The following XXYLT1 variants were observed in gnomAD, a reference collection of about 807,000 sequenced individuals.
XXYLT1 encodes UDP-xylose:alpha-xyloside alpha-1,3-xylosyltransferase.
A neutral mutation model predicts 28.9 loss-of-function variants in XXYLT1; 20 were observed. The ratio of observed to expected loss-of-function variants is 0.69; its 90% CI spans 0.49 to 1.00. The LOEUF is 1.00. XXYLT1 is among the 50% of genes least tolerant of loss of function. The pLI is 0.00. For synonymous variants in XXYLT1, 257 were observed against 253.8 expected (o/e 1.01, Z -0.12); for missense variants, 542 against 560.1 (o/e 0.97, Z 0.33).
In XXYLT1 at chr3:195,104,198, C is replaced by CGTGTGTGT. The variant is rs59361512; in HGVS notation, c.786-34095_786-34088dup. Among the ~76,000 whole-genome samples, 417 of 142,052 alleles carry CGTGTGTGT rather than the reference C, an allele frequency of 2.9e-3. 3 individuals are homozygous for CGTGTGTGT. The highest frequency in any genetic ancestry group is 7.3e-3 in the African/African-American group (270 of 37,010). 93.2% of individuals were successfully genotyped at this position (142,052 alleles called of 152,430 possible). ...ACGGTGATGACGGTGATGAGGGCTC[C>CGTGTGTGT]GTGTGTGTGTGTGTGTGTGTGTGTG... On this transcript the variant is annotated intron_variant, in intron 3 of 3. Transcript: ENST00000310380.
chr3:195,129,523 A>G lies in XXYLT1; in HGVS notation c.785+26926T>C, dbSNP rs1334848211. On this transcript the variant is annotated intron_variant, in intron 3 of 3. Coordinates refer to ENST00000310380, the MANE Select transcript of XXYLT1 (RefSeq NM_152531.5). This position sits in a 1 kb window ranked among gnomAD's most constrained non-coding sequence, Gnocchi z 4.4. ...TGACGGGCTTCTTTCACTCGTCTTA[A>G]TGCTTTCAAGGTGCATCGTGCTGCG... Among the ~76,000 whole-genome samples the G allele has an allele frequency of 6.6e-6, 1 of 152,182 alleles. No homozygotes were observed. Among genetic ancestry groups the G allele is most frequent in the Non-Finnish European group, 1.5e-5 (1 of 68,044 alleles).
At chr3:195,267,167 C>T (rs1369444863) in intron 1 of XXYLT1, among the ~76,000 whole-genome samples, 1 of 152,246 alleles carries the variant, frequency 6.6e-6, no homozygotes, top group Non-Finnish European at 1.5e-5. Flanking sequence ...CCTGAGACCT[C>T]GGTGTGTGGG....
intron 1 of XXYLT1, among the ~76,000 whole-genome samples, chr3:195,248,159 G>A (rs779259154): frequency 7.9e-5 from 12 of 151,858 alleles, no homozygotes; most frequent in African/African-American, 2.4e-4. Flanking sequence ...GTGGGCACAC[G>A]GACCAACCAC....
chr3:195,226,933 G>C (rs1390411007), intron 1 of XXYLT1, 77 bp from the exon 2 acceptor site: 1 of 1,538,914 alleles, frequency 6.5e-7, no homozygotes, highest in Non-Finnish European at 8.8e-7. Context: ...AAGCACCTGG[G>C]CCCACAGAGG....
At chr3:195,243,956 T>C (rs1256502347) in intron 1 of XXYLT1, among the ~76,000 whole-genome samples, 1 of 152,118 alleles carries the variant, frequency 6.6e-6, no homozygotes, top group Non-Finnish European at 1.5e-5. Context: ...ATGTCCAATA[T>C]CCATTCTCAC....
chr3:195,214,907 A>C (rs1010954958), intron 2 of XXYLT1: 1 of 152,248 alleles, frequency 6.6e-6, no homozygotes, highest in Non-Finnish European at 1.5e-5. Context: ...AAAAATGTTA[A>C]GGGCAGCCAG....
intron 2 of XXYLT1, among the ~76,000 whole-genome samples, chr3:195,219,178 G>C (rs557798077): frequency 6.7e-6 from 1 of 150,026 alleles, no homozygotes; most frequent in Non-Finnish European, 1.5e-5. Flanking sequence ...GGTGGTGGGA[G>C]GGGGGAGGGA....
rs74747866 is a variant in XXYLT1, at chr3:195,195,920, C to A, written c.652+30789G>T. Among the ~76,000 whole-genome samples the A allele has an allele frequency of 0.034, 5,192 of 152,304 alleles. 155 individuals are homozygous for A. Among genetic ancestry groups the A allele is most frequent in the East Asian group, 0.1 (524 of 5,172 alleles). On this transcript the variant is annotated intron_variant, in intron 2 of 3. Coordinates refer to ENST00000310380, the MANE Select transcript of XXYLT1 (RefSeq NM_152531.5). The surrounding 1 kb of genome is among the most constrained non-coding windows in gnomAD (Gnocchi z 4.4). ...CTCCAAGTCACAGTCCCTCTTTCTCCTCACTGCCTCAGTCTCCCTGCCTGG... is the reference window on the plus strand; with the variant it reads ...CTCCAAGTCACAGTCCCTCTTTCTCATCACTGCCTCAGTCTCCCTGCCTGG...
intron 2 of XXYLT1, among the ~76,000 whole-genome samples, chr3:195,215,643 C>G (rs1238338515): frequency 4.1e-5 from 6 of 147,006 alleles, no homozygotes; most frequent in African/African-American, 1.5e-4. Flanking sequence ...ATATATGCAC[C>G]CAATACAGGA....
intron 3 of XXYLT1, among the ~76,000 whole-genome samples, chr3:195,140,640 TGAGA>T (rs1054705964): frequency 1.2e-3 from 77 of 62,362 alleles, no homozygotes; most frequent in Middle Eastern, 8.6e-3. Flanking sequence ...GGAGAGAGAG[TGAGA>T]GAGAGAGTGA....
intron 2 of XXYLT1, among the ~76,000 whole-genome samples, chr3:195,225,942 G>A (rs1724030500): frequency 6.6e-6 from 1 of 152,172 alleles, no homozygotes; most frequent in African/African-American, 2.4e-5. Context: ...CAGCCATGCT[G>A]AACTGTCTAT....
At chr3:195,212,905 GT>G (rs1723389458) in intron 2 of XXYLT1, among the ~76,000 whole-genome samples, 1 of 152,192 alleles carries the variant, frequency 6.6e-6, no homozygotes, top group Non-Finnish European at 1.5e-5. Flanking sequence ...GAAGCCACTT[GT>G]TGGTCAGTGC....
At chr3:195,082,580 C>T (rs868011578) in intron 3 of XXYLT1, among the ~76,000 whole-genome samples, 12 of 152,192 alleles carry the variant, frequency 7.9e-5, no homozygotes, top group African/African-American at 2.4e-4. Flanking sequence ...CGGCTGGGCA[C>T]GGTGGCTCAC....
At chr3:195,120,252 C>G (rs1381967192) in intron 3 of XXYLT1, among the ~76,000 whole-genome samples, 13 of 149,488 alleles carry the variant, frequency 8.7e-5, no homozygotes, top group Non-Finnish European at 1.5e-4. Context: ...GGTGCCCCTC[C>G]CAACCCCACC....
intron 3 of XXYLT1, among the ~76,000 whole-genome samples, chr3:195,090,002 T>A (rs1430392694): frequency 6.7e-6 from 1 of 149,306 alleles, no homozygotes. Context: ...ATGCACCCAA[T>A]ACAGGAGCAC....
At chr3:195,175,962 T>A in intron 2 of XXYLT1, 1 of 1,323,248 alleles carries the variant, frequency 7.6e-7, no homozygotes, top group Non-Finnish European at 9.8e-7. Flanking sequence ...CCCAGCTTAG[T>A]CTAGCCTTAC....
intron 3 of XXYLT1, among the ~76,000 whole-genome samples, chr3:195,104,444 C>T (rs942297816): frequency 4.7e-5 from 7 of 149,156 alleles, no homozygotes; most frequent in East Asian, 2.0e-4. Flanking sequence ...AGTTCCCTTG[C>T]GGGGAGGGGG....
chr3:195,183,423 T>A (rs1477287056), intron 2 of XXYLT1: 9 of 152,202 alleles, frequency 5.9e-5, no homozygotes, highest in Non-Finnish European at 1.3e-4. Flanking sequence ...TGATTGTAAG[T>A]TTCCTAAACA....
chr3:195,086,727 T>G (rs1400949444), intron 3 of XXYLT1, among the ~76,000 whole-genome samples: 2 of 151,532 alleles, frequency 1.3e-5, no homozygotes, highest in Non-Finnish European at 2.9e-5. Flanking sequence ...GCTTTGGTGA[T>G]GGGGGGGAGG....
Sources: allele counts gnomAD v4.1 joint callset (sites outside exome capture counted in the v4.1 genomes callset), GRCh38; gene constraint gnomAD v4.1.1; non-coding constraint Gnocchi (gnomAD v3.1); transcripts MANE v1.5; gene names NCBI Gene and HGNC (gene_info 2026-07-23, HGNC 2026-07-21).